The following CD33 variants were observed in gnomAD, a reference collection of about 807,000 sequenced individuals.
CD33 encodes the protein CD33 molecule, also known as myeloid cell surface antigen CD33.
CD33 carries 25 observed loss-of-function variants against 31.4 expected under a neutral mutation model. The observed-to-expected ratio is 0.80, with a 90% confidence interval of 0.58 to 1.11. CD33 has a LOEUF of 1.11. Ranked by LOEUF, CD33 falls within the 50% of genes most tolerant of loss-of-function variation. The pLI is 0.00. For synonymous variants in CD33, 176 were observed against 180.6 expected, an observed-to-expected ratio of 0.97 and a Z score of 0.20; for missense variants, 407 against 448.1, an observed-to-expected ratio of 0.91 and a Z score of 0.83.
intron 4 of CD33, among the ~76,000 whole-genome samples, chr19:51,227,535 ACT>A (rs975776478): frequency 2.0e-5 from 3 of 152,064 alleles, no homozygotes; most frequent in African/African-American, 7.2e-5. Context: ...AGAAATGTCT[ACT>A]CAGATAATTT....
the CD33 span, chr19:51,211,475 C>T: frequency 1.4e-5 from 22 of 1,565,328 alleles, no homozygotes; most frequent in Non-Finnish European, 1.6e-5. Context: ...AACAACTGCT[C>T]CCTGAGCATC....
the CD33 span, chr19:51,211,890 A>ACGC: frequency 7.0e-7 from 1 of 1,437,692 alleles, no homozygotes; most frequent in South Asian, 1.1e-5. Context: ...TGAGCAGGGG[A>ACGC]CGCCCCCCAT....
chr19:51,234,052 G>T (rs1981610031), intron 4 of CD33, among the ~76,000 whole-genome samples: 1 of 152,018 alleles, frequency 6.6e-6, no homozygotes, highest in Admixed American at 6.6e-5. Flanking sequence ...TTTTTAATAG[G>T]TTTTATTTTT....
intron 4 of CD33, among the ~76,000 whole-genome samples, chr19:51,232,968 G>A (rs1031777266): frequency 2.6e-5 from 4 of 152,176 alleles, no homozygotes; most frequent in African/African-American, 9.7e-5. Flanking sequence ...TAGGGTTTGG[G>A]ATGTGAGTGT....
At position 51,226,061 on chromosome 19, in the gene CD33, C is replaced by A. The variant is rs368420862; in HGVS notation, c.677C>A (p.Thr226Asn). ...FAGAGVTTER[T>N]IQLNVTYVPQ... The stretch of plus-strand genomic sequence containing the variant: ...GGAGCTGGTGTGACTACGGAGAGAA[C>A]CATCCAGCTCAACGTCACCTGTAAG... Residue 226 changes from threonine to asparagine, a missense_variant, in exon 3 of 7, where the codon ACC becomes AAC. Thr to Asn is a moderately conservative substitution (Grantham distance 65, BLOSUM62 0). Transcript: ENST00000262262. 6 of 1,613,896 alleles carry A rather than the reference C, an allele frequency of 3.7e-6. No homozygotes were observed. In the African/African-American group the frequency reaches 6.7e-5, roughly 18 times the overall value.
At chr19:51,214,172 T>C in the CD33 span, among the ~76,000 whole-genome samples, 1 of 139,900 alleles carries the variant, frequency 7.1e-6, no homozygotes. Flanking sequence ...ATTTTTCTTT[T>C]CCTTTTTTTT....
At chr19:51,226,464 T>TA in intron 4 of CD33, 108 bp downstream of exon 4, 1 of 872,740 alleles carries the variant, frequency 1.1e-6, no homozygotes, top group Non-Finnish European at 1.9e-6. Context: ...GGCCTGCAGT[T>TA]AGACACGGGT....
the CD33 span, among the ~76,000 whole-genome samples, chr19:51,219,543 T>C: frequency 6.6e-6 from 1 of 152,156 alleles, no homozygotes; most frequent in Non-Finnish European, 1.5e-5. Flanking sequence ...TTGCTCTAGA[T>C]AGGACTTTCA....
chr19:51,236,243 T>G, intron 6 of CD33: 1 of 206,316 alleles, frequency 4.8e-6, no homozygotes. Flanking sequence ...AGCACCAGGG[T>G]CAGTCAGGAA....
At chr19:51,222,251 C>T (rs1044916320), upstream of CD33, among the ~76,000 whole-genome samples, 1 of 152,178 alleles carries the variant, frequency 6.6e-6, no homozygotes, top group Non-Finnish European at 1.5e-5. Context: ...TATCATACGT[C>T]GACAAGGGTG....
chr19:51,216,651 T>G, the CD33 span, among the ~76,000 whole-genome samples: 1 of 146,710 alleles, frequency 6.8e-6, no homozygotes. Flanking sequence ...GAGGTTGCAG[T>G]GCGAGACTCT....
chr19:51,228,281 C>T lies in CD33; in HGVS notation c.745+1925C>T, dbSNP rs868511500. Among the ~76,000 whole-genome samples the T allele has an allele frequency of 2.0e-5, 3 of 152,104 alleles. No individual in the cohort carries two copies. The South Asian group carries it at 6.2e-4, about 32-fold the overall frequency. On this transcript the variant is annotated intron_variant, in intron 4 of 6. Coordinates refer to ENST00000262262, the MANE Select transcript of CD33 (RefSeq NM_001772.4). ...TTCCATATGAATTTTAAGATTGTTT[C>T]CTCTAATTCTGTGAAGAATTACATT...
At chr19:51,237,238 A>C (rs905314876) in intron 6 of CD33, 13 of 152,218 alleles carry the variant, frequency 8.5e-5, no homozygotes, top group Non-Finnish European at 1.8e-4. Flanking sequence ...ACCAGCACCC[A>C]TTCATTCTGA....
At chr19:51,223,670 T>A (rs546126907), upstream of CD33, among the ~76,000 whole-genome samples, 1 of 152,294 alleles carries the variant, frequency 6.6e-6, no homozygotes, top group Non-Finnish European at 1.5e-5. Flanking sequence ...AATGGCAGCA[T>A]GAATGGAAAA....
intron 6 of CD33, chr19:51,236,352 T>C (rs1205711937): frequency 5.7e-6 from 1 of 176,038 alleles, no homozygotes; most frequent in East Asian, 1.5e-4. Context: ...AGGTTTAGGA[T>C]TGGCTACTTA....
Position 51,239,567 on chromosome 19 carries a change from GT to G in CD33, c.976del (p.Ser326GlnfsTer23), listed in dbSNP as rs1982027990. The G allele has an allele frequency of 6.2e-7, 1 of 1,613,322 alleles. No individual in the cohort carries two copies. Among genetic ancestry groups the G allele is most frequent in the Non-Finnish European group, 8.5e-7 (1 of 1,179,698 alleles). On this transcript the variant is annotated frameshift_variant, in exon 7 of 7. Coordinates refer to ENST00000262262, the MANE Select transcript of CD33 (RefSeq NM_001772.4). LOFTEE classifies it low-confidence loss of function (END_TRUNC). ...CATGGCCCCACTGAAACCTCAAGCT[GT>G]TCAGGTGCCGCCCCTACTGTGGAGA... is the stretch of plus-strand genomic sequence containing the variant. Reference protein sequence around the residue: ...KLHGPTETSSCSGAAPTVEMD... With the variant: ...KLHGPTETSSXSGAAPTVEMD...
At chr19:51,228,003 A>T (rs1447577855) in intron 4 of CD33, among the ~76,000 whole-genome samples, 1 of 152,128 alleles carries the variant, frequency 6.6e-6, no homozygotes, top group African/African-American at 2.4e-5. Flanking sequence ...TTCTTCATGC[A>T]TTTGTCAAAA....
intron 4 of CD33, among the ~76,000 whole-genome samples, chr19:51,227,490 T>C (rs1373119711): frequency 2.0e-5 from 3 of 152,242 alleles, no homozygotes; most frequent in Non-Finnish European, 4.4e-5. Flanking sequence ...GCATTTTTCA[T>C]ATACACTTGT....
At chr19:51,211,467 C>A in the CD33 span, 1 of 1,566,562 alleles carries the variant, frequency 6.4e-7, no homozygotes, top group Non-Finnish European at 8.6e-7. Flanking sequence ...CCAGTAAGAA[C>A]AACTGCTCCC....
Sources: allele counts gnomAD v4.1 joint callset (sites outside exome capture counted in the v4.1 genomes callset), GRCh38; gene constraint gnomAD v4.1.1; transcripts MANE v1.5; gene names NCBI Gene and HGNC (gene_info 2026-07-23, HGNC 2026-07-21).